The following CLSTN2 variants were observed in gnomAD, a reference collection of about 807,000 sequenced individuals.
CLSTN2 encodes the protein calsyntenin-2.
CLSTN2 carries 48 observed loss-of-function variants against 101.2 expected under a neutral mutation model. The ratio of observed to expected loss-of-function variants is 0.47; its 90% CI spans 0.38 to 0.60. The LOEUF (loss-of-function observed/expected upper bound fraction) is 0.60, where lower values mean the gene tolerates loss of function less well. Ranked by LOEUF, CLSTN2 falls within the 20% of genes least tolerant of loss-of-function variation. The pLI is 0.00. For missense variants in CLSTN2, 1,160 were observed against 1,238.2 expected (o/e 0.94, Z 0.95); for synonymous variants, 481 against 463.6 (o/e 1.04, Z -0.48).
At chr3:140,030,840 C>A (rs962607817) in intron 1 of CLSTN2, among the ~76,000 whole-genome samples, 4 of 152,200 alleles carry the variant, frequency 2.6e-5, no homozygotes, top group African/African-American at 9.6e-5. Context: ...TTGCAGCTTC[C>A]GCCTTGAATT....
At chr3:140,359,851 G>T (rs1168786497) in intron 2 of CLSTN2, among the ~76,000 whole-genome samples, 2 of 152,088 alleles carry the variant, frequency 1.3e-5, no homozygotes, top group Non-Finnish European at 2.9e-5. Flanking sequence ...TTGGAAATGT[G>T]CAGTGAAGGT....
chr3:140,494,133 T>A (rs1408833893), intron 8 of CLSTN2, among the ~76,000 whole-genome samples: 2 of 152,238 alleles, frequency 1.3e-5, no homozygotes, highest in African/African-American at 4.8e-5. Flanking sequence ...TATTGGCTGC[T>A]ACAAAGCTTA....
chr3:140,138,963 A>G (rs1165561326), intron 1 of CLSTN2, among the ~76,000 whole-genome samples: 1 of 152,250 alleles, frequency 6.6e-6, no homozygotes, highest in East Asian at 1.9e-4. Context: ...ATCCAGGTCC[A>G]ACTCCAGCTT....
intron 2 of CLSTN2, among the ~76,000 whole-genome samples, chr3:140,336,062 G>C (rs12491803): frequency 0.085 from 12,866 of 152,218 alleles, 673 homozygotes; most frequent in Middle Eastern, 0.13. Flanking sequence ...AAACTAGGAT[G>C]AAGGAGCCGA....
intron 1 of CLSTN2, among the ~76,000 whole-genome samples, chr3:140,065,188 G>A (rs565682467): frequency 1.0e-4 from 16 of 152,386 alleles, no homozygotes; most frequent in African/African-American, 3.8e-4. Flanking sequence ...TGAGCAGGTG[G>A]TCTTCACCTG....
At position 140,161,996 on chromosome 3, in the gene CLSTN2, A is replaced by G. The variant is rs143231647; in HGVS notation, c.110-13955A>G. On this transcript the variant is annotated intron_variant, in intron 1 of 16. Transcript: ENST00000458420. The stretch of plus-strand genomic sequence containing the variant: ...ACCAAAATAACAAACTTTTTACTTA[A>G]AACAACTGTTGACAAGAATTTTAAA... Among the ~76,000 whole-genome samples the G allele has an allele frequency of 3.9e-5, 6 of 152,352 alleles. No individual in the cohort carries two copies. The East Asian group carries it at 1.2e-3, about 29-fold the overall frequency.
At chr3:140,459,813 C>T (rs374554774) in intron 7 of CLSTN2, 44 bp downstream of exon 7, 7 of 1,606,788 alleles carry the variant, frequency 4.4e-6, no homozygotes, top group African/African-American at 4.0e-5. Context: ...ACCCCAGCAG[C>T]TGCCCATTTT....
At chr3:140,546,462 T>G in intron 9 of CLSTN2, 53 bp from the exon 10 acceptor site, 1 of 1,574,566 alleles carries the variant, frequency 6.4e-7, no homozygotes, top group South Asian at 1.2e-5. Context: ...TGCCTTGAGG[T>G]GCTGTTTCCT....
chr3:140,464,834 A>G (rs961983474), intron 7 of CLSTN2, among the ~76,000 whole-genome samples: 1 of 152,164 alleles, frequency 6.6e-6, no homozygotes, highest in African/African-American at 2.4e-5. Context: ...GACGCTAAAA[A>G]TGGTCCCCCA....
intron 2 of CLSTN2, among the ~76,000 whole-genome samples, chr3:140,250,867 G>A (rs910347774): frequency 1.3e-5 from 2 of 152,198 alleles, no homozygotes; most frequent in Non-Finnish European, 2.9e-5. Flanking sequence ...TTAATTCAAA[G>A]GTTGCTTTTT....
chr3:140,083,624 G>A (rs950735982), intron 1 of CLSTN2, among the ~76,000 whole-genome samples: 16 of 152,164 alleles, frequency 1.1e-4, no homozygotes, highest in East Asian at 7.7e-4. Context: ...ACATTCTTAC[G>A]TGTCTGCACA....
intron 1 of CLSTN2, among the ~76,000 whole-genome samples, chr3:140,112,848 C>T (rs1301227613): frequency 6.6e-5 from 10 of 152,084 alleles, no homozygotes. Flanking sequence ...GCAAACATGC[C>T]TTTAGAGACA....
intron 1 of CLSTN2, among the ~76,000 whole-genome samples, chr3:140,120,411 T>C (rs1481162805): frequency 1.3e-5 from 2 of 152,206 alleles, no homozygotes; most frequent in African/African-American, 2.4e-5. Flanking sequence ...TAGCACTTTC[T>C]AGGAACCTCG....
intron 2 of CLSTN2, among the ~76,000 whole-genome samples, chr3:140,285,409 G>T (rs2086886956): frequency 6.6e-6 from 1 of 152,056 alleles, no homozygotes; most frequent in Non-Finnish European, 1.5e-5. Context: ...TCACGCTTCA[G>T]GTCGGCTTGC....
intron 1 of CLSTN2, among the ~76,000 whole-genome samples, chr3:140,156,735 T>C (rs547663702): frequency 1.8e-4 from 27 of 152,226 alleles, no homozygotes; most frequent in Non-Finnish European, 3.7e-4. Context: ...CACCTCCTAC[T>C]CAGACTGCAT....
At chr3:140,201,165 A>G (rs1318071899) in intron 2 of CLSTN2, among the ~76,000 whole-genome samples, 2 of 152,202 alleles carry the variant, frequency 1.3e-5, no homozygotes, top group Non-Finnish European at 2.9e-5. Context: ...AGAGAGATAC[A>G]AGAGAGCACT....
At chr3:140,350,852 A>G (rs2087598276) in intron 2 of CLSTN2, among the ~76,000 whole-genome samples, 1 of 152,170 alleles carries the variant, frequency 6.6e-6, no homozygotes, top group Non-Finnish European at 1.5e-5. Context: ...TAAAGTTGCC[A>G]AAAATCTAGT....
intron 1 of CLSTN2, among the ~76,000 whole-genome samples, chr3:140,092,302 C>T (rs1241265544): frequency 6.6e-6 from 1 of 152,192 alleles, no homozygotes; most frequent in African/African-American, 2.4e-5. Flanking sequence ...AAAAAGTGAG[C>T]CTCTTGATAA....
intron 5 of CLSTN2, among the ~76,000 whole-genome samples, chr3:140,425,306 C>T (rs565352940): frequency 9.2e-5 from 14 of 152,224 alleles, no homozygotes; most frequent in Non-Finnish European, 1.8e-4. Flanking sequence ...TGAGGACTTG[C>T]TCTCAGACTC....
Sources: gnomAD v4.1 joint callset for allele counts (sites outside exome capture counted in the v4.1 genomes callset) on GRCh38, gnomAD v4.1.1 for gene constraint, MANE v1.5 for transcripts, NCBI Gene and HGNC (gene_info 2026-07-23, HGNC 2026-07-21) for gene names.